The following NSD1 variants were observed in gnomAD, a reference collection of about 807,000 sequenced individuals.
The protein encoded by NSD1 is histone-lysine N-methyltransferase, H3 lysine-36 specific.
A neutral mutation model predicts 242.7 loss-of-function variants in NSD1; 26 were observed. That is an observed-to-expected ratio of 0.11 (90% CI 0.08 to 0.15). The LOEUF (loss-of-function observed/expected upper bound fraction) is 0.15. Among genes scored for constraint, NSD1 ranks in the 10% least tolerant of loss-of-function variants. The pLI, the probability that NSD1 is intolerant of heterozygous loss-of-function variation, is 1.00. For synonymous variants in NSD1, 1,106 were observed against 1,178.1 expected (o/e 0.94, Z 1.25); for missense variants, 2,495 against 3,272.8 (o/e 0.76, Z 5.80).
At chr5:177,170,419 C>T (rs545446499) in intron 2 of NSD1, among the ~76,000 whole-genome samples, 45 of 151,490 alleles carry the variant, frequency 3.0e-4, no homozygotes, top group Non-Finnish European at 5.3e-4. Context: ...GGCGTGATCT[C>T]GGCTCACTGC....
chr5:177,277,528 T>C (rs1187042895), intron 17 of NSD1, among the ~76,000 whole-genome samples: 1 of 152,248 alleles, frequency 6.6e-6, no homozygotes, highest in East Asian at 1.9e-4. Context: ...TAGAATTACA[T>C]ATCCATGTCT....
At chr5:177,218,439 G>C (rs984119781) in intron 5 of NSD1, among the ~76,000 whole-genome samples, 3 of 151,830 alleles carry the variant, frequency 2.0e-5, no homozygotes, top group African/African-American at 4.8e-5. Context: ...TCTACCTCAA[G>C]TGTGAAGGTC....
chr5:177,165,367 C>T (rs1006599557), intron 2 of NSD1, among the ~76,000 whole-genome samples: 9 of 152,098 alleles, frequency 5.9e-5, no homozygotes, highest in African/African-American at 2.2e-4. Context: ...CAGGGTTTCA[C>T]CATGTTGGCC....
chr5:177,265,542 G>A (rs1177655945), intron 14 of NSD1: 3 of 850,360 alleles, frequency 3.5e-6, no homozygotes, highest in East Asian at 5.1e-5. Flanking sequence ...TCAGCCCCTG[G>A]GCCCGTGCAG....
At chr5:177,190,361 CCT>C in intron 2 of NSD1, among the ~76,000 whole-genome samples, 1 of 151,948 alleles carries the variant, frequency 6.6e-6, no homozygotes, top group East Asian at 1.9e-4. Context: ...CTCACTGCAA[CCT>C]CTGCCTCCCT....
chr5:177,171,375 A>C (rs545105687), intron 2 of NSD1, among the ~76,000 whole-genome samples: 5 of 152,112 alleles, frequency 3.3e-5, no homozygotes, highest in African/African-American at 1.2e-4. Context: ...CCTGCCCCTA[A>C]GTAACCATTA....
chr5:177,291,864 G>A (rs1317406138), intron 21 of NSD1, 90 bp from the exon 22 acceptor site: 2 of 1,179,522 alleles, frequency 1.7e-6, no homozygotes, highest in East Asian at 2.5e-5. Flanking sequence ...TCCCAGAGAA[G>A]AGAATGAGGC....
At chr5:177,185,564 C>G (rs1223410656) in intron 2 of NSD1, among the ~76,000 whole-genome samples, 1 of 149,026 alleles carries the variant, frequency 6.7e-6, no homozygotes, top group Non-Finnish European at 1.5e-5. Context: ...TGCCATTGCA[C>G]TCCAGCCTGG....
intron 5 of NSD1, among the ~76,000 whole-genome samples, chr5:177,226,518 T>C (rs1410758892): frequency 6.6e-6 from 1 of 152,210 alleles, no homozygotes; most frequent in African/African-American, 2.4e-5. Flanking sequence ...GGGTTCTTGC[T>C]GTTTTGCCCA....
In NSD1 at chr5:177,298,664, TGGTCAG is replaced by T. The variant is rs1323565223; in HGVS notation, c.*3208_*3213del. On this transcript the variant is annotated 3_prime_UTR_variant, in exon 23 of 23. Transcript: ENST00000439151. ...TCTTTACATCCTTCACCCCACACTA[TGGTCAG>T]GGCATGAAACACCCTGTTGATCCCT... 4.3e-6 allele frequency: 1 copy of T among 233,170 alleles called. No individual in the cohort carries two copies. Among genetic ancestry groups the T allele is most frequent in the Non-Finnish European group, 8.5e-6 (1 of 118,058 alleles). 14.4% of individuals were successfully genotyped at this position (233,170 alleles called of 1,614,324 possible).
intron 19 of NSD1, 97 bp from the exon 20 acceptor site, chr5:177,283,690 C>A: frequency 2.1e-6 from 3 of 1,396,086 alleles, no homozygotes; most frequent in Non-Finnish European, 3.0e-6. Context: ...TCAGTCTTTA[C>A]AAATAGAAAC....
chr5:177,294,447 G>A lies in NSD1; in HGVS notation c.7079G>A (p.Arg2360Lys), dbSNP rs1445043454. ...LERPLGTADP[R>K]LDKSIGAASP... ...AGACCTCTGGGGACGGCTGACCCAA[G>A]GCTGGATAAATCCATAGGTGCTGCC... The change falls in exon 23 of 23, where the codon AGG (arginine) becomes AAG (lysine). Residue 2360 changes from arginine (R) to lysine (K), a missense_variant. Around this residue, in one of 19 missense-constraint regions of NSD1, gnomAD observed 475 missense variants for 563.7 expected, o/e 0.84. Transcript: ENST00000439151. 1 of 1,614,082 alleles carries A rather than the reference G, an allele frequency of 6.2e-7. No homozygotes were observed. Among genetic ancestry groups the A allele is most frequent in the Non-Finnish European group, 8.5e-7 (1 of 1,180,042 alleles).
chr5:177,261,039 G>T (rs1265370789), intron 14 of NSD1, among the ~76,000 whole-genome samples: 1 of 151,968 alleles, frequency 6.6e-6, no homozygotes, highest in South Asian at 2.1e-4. Context: ...AAGAGATCAC[G>T]TAGAGGAAAG....
At chr5:177,180,970 C>T (rs1156978310) in intron 2 of NSD1, among the ~76,000 whole-genome samples, 5 of 151,908 alleles carry the variant, frequency 3.3e-5, no homozygotes, top group South Asian at 4.2e-4. Flanking sequence ...CGTGAGCCAC[C>T]GTGCCCGGCT....
chr5:177,139,000 A>G (rs1008063869), intron 2 of NSD1, among the ~76,000 whole-genome samples: 2 of 149,888 alleles, frequency 1.3e-5, no homozygotes, highest in African/African-American at 4.9e-5. Flanking sequence ...CTGTAATCCC[A>G]GCACTTTGGG....
intron 8 of NSD1, among the ~76,000 whole-genome samples, chr5:177,240,093 A>T (rs1241401158): frequency 2.1e-4 from 32 of 152,126 alleles, no homozygotes; most frequent in Non-Finnish European, 1.8e-4. Flanking sequence ...AGTGAAAAAA[A>T]TTTTTAAATG....
chr5:177,160,829 C>G (rs1181877536), intron 2 of NSD1, among the ~76,000 whole-genome samples: 1 of 151,910 alleles, frequency 6.6e-6, no homozygotes, highest in Non-Finnish European at 1.5e-5. Flanking sequence ...GGAGCATGAT[C>G]TAGGATTATA....
At chr5:177,277,283 G>A (rs1581517932) in intron 17 of NSD1, among the ~76,000 whole-genome samples, 1 of 152,280 alleles carries the variant, frequency 6.6e-6, no homozygotes, top group East Asian at 1.9e-4. Flanking sequence ...TGGCAAAAAA[G>A]AGATTTTGTG....
chr5:177,169,809 A>C (rs775449781), intron 2 of NSD1, among the ~76,000 whole-genome samples: 6 of 152,196 alleles, frequency 3.9e-5, no homozygotes, highest in Non-Finnish European at 7.3e-5. Context: ...AATGTATTCC[A>C]ATATCAAATT....
Sources: allele counts gnomAD v4.1 joint callset (sites outside exome capture counted in the v4.1 genomes callset), GRCh38; gene constraint gnomAD v4.1.1; regional missense constraint gnomAD v4.1.1; transcripts MANE v1.5; gene names NCBI Gene and HGNC (gene_info 2026-07-23, HGNC 2026-07-21).